Variants in DLGAP3 observed in about 807,000 individuals in gnomAD.
DLGAP3 encodes the protein disks large-associated protein 3.
Under a neutral mutation model 81.2 loss-of-function variants are expected in DLGAP3, and 17 were observed. The ratio of observed to expected loss-of-function variants is 0.21; its 90% CI spans 0.14 to 0.31. The LOEUF is 0.31. DLGAP3 is among the 10% of genes least tolerant of loss of function. The pLI is 1.00. For synonymous variants in DLGAP3, 577 were observed against 587.4 expected, an observed-to-expected ratio of 0.98 and a Z score of 0.26; for missense variants, 1,124 against 1,388.0, an observed-to-expected ratio of 0.81 and a Z score of 3.02.
rs762938817 is a variant in DLGAP3, at chr1:34,922,451, C to T, written c.-135+7000G>A. ...ATATTCATATGTGGTTGATACGGTA[C>T]GTATATGCATGCCCCACATACATGC... is the stretch of plus-strand genomic sequence containing the variant. On this transcript the variant is annotated intron_variant, in intron 1 of 11. Transcript: ENST00000373347. Among the ~76,000 whole-genome samples the T allele has an allele frequency of 8.5e-5, 13 of 152,212 alleles. No homozygotes were observed. In the South Asian group the frequency reaches 1.5e-3, roughly 17 times the overall value.
chr1:34,866,788 C>CA (rs1166568660), intron 11 of DLGAP3, among the ~76,000 whole-genome samples: 1 of 151,548 alleles, frequency 6.6e-6, no homozygotes, highest in Non-Finnish European at 1.5e-5. Context: ...GCCGCCACCC[C>CA]CCCAACCCCG....
At position 34,868,717 on chromosome 1, in the gene DLGAP3, G is replaced by A. The variant is rs1431235852; in HGVS notation, c.2373C>T (p.Cys791=). ...SLPDSGRASP[C]PRDGEWFIKM... ...TGATGAACCACTCGCCGTCGCGTGG[G>A]CAGGGGGATGCGCGGCCTGAGTCGG... The change falls in exon 9 of 12, where the codon TGC becomes TGT. Residue 791 remains cysteine (C), a synonymous_variant. Transcript: ENST00000373347. This position sits in a 1 kb window ranked among gnomAD's most constrained non-coding sequence, Gnocchi z 7.5. 6.2e-7 allele frequency: 1 copy of A among 1,610,476 alleles called. No individual in the cohort carries two copies. The highest frequency in any genetic ancestry group is 1.1e-5 in the South Asian group (1 of 91,084).
Position 34,904,644 on chromosome 1 carries a change from C to T in DLGAP3, c.740G>A (p.Arg247His), listed in dbSNP as rs1240043767. The T allele has an allele frequency of 3.7e-6, 6 of 1,614,164 alleles. No homozygotes were observed. The Admixed American group carries it at 5.0e-5, about 13-fold the overall frequency. The change falls in exon 3 of 12, where the codon CGC becomes CAC. Residue 247 changes from arginine to histidine, a missense_variant. Coordinates refer to ENST00000373347, the MANE Select transcript of DLGAP3 (RefSeq NM_001080418.3). The surrounding 1 kb of genome is among the most constrained non-coding windows in gnomAD (Gnocchi z 8.1). ...GGCCTGGTGCCGCCCATCCCCCTTGCGGTCCTTGCTCTTGCTCCTCTTGCC... is the reference window on the plus strand; with the variant it reads ...GGCCTGGTGCCGCCCATCCCCCTTGTGGTCCTTGCTCTTGCTCCTCTTGCC... ...RHGKRSKSKD[R>H]KGDGRHQAKS...
chr1:34,883,336 G>A (rs1387119343), intron 8 of DLGAP3, among the ~76,000 whole-genome samples: 1 of 152,184 alleles, frequency 6.6e-6, no homozygotes, highest in African/African-American at 2.4e-5. Flanking sequence ...TGCTGATTTA[G>A]CAAGAGTCTC....
intron 8 of DLGAP3, among the ~76,000 whole-genome samples, chr1:34,872,885 A>ACCC (rs936760819): frequency 6.6e-6 from 1 of 152,108 alleles, no homozygotes; most frequent in Non-Finnish European, 1.5e-5. Context: ...TGAGACTCTG[A>ACCC]CCCCAGATAA....
Position 34,867,060 on chromosome 1 carries a change from G to A in DLGAP3, c.2709C>T (p.Leu903=). 2 of 1,614,106 alleles carry A rather than the reference G, an allele frequency of 1.2e-6. No homozygotes were observed. Among genetic ancestry groups the A allele is most frequent in the Non-Finnish European group, 1.7e-6 (2 of 1,179,972 alleles). ...ACCCCAGCCCCACCTTAGGCTCCAG[G>A]AGTTTCCAGCTGTTGGCCTTGAGTT... ...LQQLKANSWK[L]LEPKEEKKVP... Residue 903 remains leucine (L), a synonymous_variant, in exon 11 of 12, where the codon CTC becomes CTT. Transcript: ENST00000373347. The surrounding 1 kb of genome is among the most constrained non-coding windows in gnomAD (Gnocchi z 4.3).
rs1638920494 is a variant in DLGAP3, at chr1:34,868,473, CAGA to C, written c.2485+129_2485+131del. On this transcript the variant is annotated intron_variant, in intron 9 of 11. Transcript: ENST00000373347. This position sits in a 1 kb window ranked among gnomAD's most constrained non-coding sequence, Gnocchi z 7.5. Reference sequence around the variant, plus strand: ...GATGTTGACCCGCCACGCTCCAGTGCAGAAGACCAGTGAGGCACCAACCGAAGG... The same window carrying C: ...GATGTTGACCCGCCACGCTCCAGTGCAGACCAGTGAGGCACCAACCGAAGG... 1.3e-6 allele frequency: 1 copy of C among 761,912 alleles called. No individual in the cohort carries two copies. The highest frequency in any genetic ancestry group is 1.7e-5 in the African/African-American group (1 of 58,358). The allele number at this position is 761,912 out of a possible 1,614,324, so 47.2% of individuals were successfully genotyped here.
In DLGAP3 at chr1:34,867,311, G is replaced by C. The variant is rs1282848768; in HGVS notation, c.2578-120C>G. On this transcript the variant is annotated intron_variant, in intron 10 of 11. Coordinates refer to ENST00000373347, the MANE Select transcript of DLGAP3 (RefSeq NM_001080418.3). This position sits in a 1 kb window ranked among gnomAD's most constrained non-coding sequence, Gnocchi z 4.3. ...AAGCTCAGCCTGGGAGAGTGGGTGGGGGCTGGGAGACAGGGGGACAAGAGC... is the reference window on the plus strand; with the variant it reads ...AAGCTCAGCCTGGGAGAGTGGGTGGCGGCTGGGAGACAGGGGGACAAGAGC... The C allele has an allele frequency of 1.4e-5, 21 of 1,453,396 alleles. 1 individual carries two copies. Among genetic ancestry groups the C allele is most frequent in the Non-Finnish European group, 2.0e-5 (21 of 1,043,038 alleles). The allele number at this position is 1,453,396 out of a possible 1,614,324, so 90.0% of individuals were successfully genotyped here. A position where few individuals can be genotyped will look rare whatever the true frequency, so the allele number is the denominator to read the frequency against.
chr1:34,912,377 T>A (rs539588226), intron 1 of DLGAP3, among the ~76,000 whole-genome samples: 1 of 152,182 alleles, frequency 6.6e-6, no homozygotes, highest in East Asian at 1.9e-4. Context: ...AAGACCAGTA[T>A]CTCAGCATTT....
At chr1:34,899,235 A>AT (rs1175757115) in intron 5 of DLGAP3, among the ~76,000 whole-genome samples, 1 of 151,988 alleles carries the variant, frequency 6.6e-6, no homozygotes, top group Non-Finnish European at 1.5e-5. Context: ...TGCCTGGCTA[A>AT]TTTTTTATAT....
Position 34,885,024 on chromosome 1 carries a change from G to A in DLGAP3, c.1954C>T (p.Arg652Trp). 1.2e-6 allele frequency: 2 copies of A among 1,613,530 alleles called. No individual in the cohort carries two copies. The highest frequency in any genetic ancestry group is 8.5e-7 in the Non-Finnish European group (1 of 1,179,974). Residue 652 changes from arginine to tryptophan, a missense_variant, in exon 8 of 12, where the codon CGG becomes TGG. By Grantham distance (101) the Arg-to-Trp change is moderately radical (BLOSUM62 -3). Around this residue, in one of 9 missense-constraint regions of DLGAP3, gnomAD observed 379 missense variants for 455.7 expected, o/e 0.83. Coordinates refer to ENST00000373347, the MANE Select transcript of DLGAP3 (RefSeq NM_001080418.3). ...ISDSDTENRS[R>W]REFHSIGVQV... ...ACGCCAATAGAGTGGAACTCCCTCC[G>A]GCTCCTGTTCTCGGTGTCCGAATCT...
chr1:34,911,022 A>ACCCCCCCCCCCCC (rs58074971), intron 1 of DLGAP3, among the ~76,000 whole-genome samples: 3 of 131,950 alleles, frequency 2.3e-5, no homozygotes, highest in Admixed American at 8.1e-5. Context: ...GATATTATCC[A>ACCCCCCCCCCCCC]CCCCCCCCCC....
At chr1:34,887,646 T>G (rs1639254455) in intron 5 of DLGAP3, among the ~76,000 whole-genome samples, 1 of 152,146 alleles carries the variant, frequency 6.6e-6, no homozygotes, top group South Asian at 2.1e-4. Flanking sequence ...GGGCACATGT[T>G]TAACCCTGAG....
At chr1:34,891,506 G>C (rs887760364) in intron 5 of DLGAP3, among the ~76,000 whole-genome samples, 1 of 152,128 alleles carries the variant, frequency 6.6e-6, no homozygotes, top group Admixed American at 6.6e-5. Context: ...ACATATCTTG[G>C]GTTAACTCGA....
Position 34,902,174 on chromosome 1 carries a change from A to AG in DLGAP3, c.1108-1902dup, listed in dbSNP as rs751287507. Among the ~76,000 whole-genome samples the AG allele has an allele frequency of 1.8e-4, 27 of 152,010 alleles. No individual in the cohort carries two copies. The highest frequency in any genetic ancestry group is 3.4e-4 in the Non-Finnish European group (23 of 67,976). On this transcript the variant is annotated intron_variant, in intron 3 of 11. Transcript: ENST00000373347. The surrounding 1 kb of genome is among the most constrained non-coding windows in gnomAD (Gnocchi z 4.4). ...CGTGGGGGAGAGGACTGGGGGAGGT[A>AG]GGGAGGATTTAAAACACTTGTGTAA...
At chr1:34,903,448 G>A (rs1219153911) in intron 3 of DLGAP3, among the ~76,000 whole-genome samples, 1 of 152,188 alleles carries the variant, frequency 6.6e-6, no homozygotes, top group Non-Finnish European at 1.5e-5. Flanking sequence ...AAATACACTG[G>A]ACCTCCAGAA....
intron 1 of DLGAP3, among the ~76,000 whole-genome samples, chr1:34,928,886 TAC>T (rs1639912747): frequency 6.6e-6 from 1 of 151,192 alleles, no homozygotes; most frequent in African/African-American, 2.4e-5. Flanking sequence ...CACAGATGCA[TAC>T]ACAGTACCAC....
Position 34,905,030 on chromosome 1 carries a change from A to C in DLGAP3, c.354T>G (p.Pro118=). The change falls in exon 3 of 12, where the codon CCT becomes CCG. Residue 118 remains proline, a synonymous_variant. Transcript: ENST00000373347. ...HPQGKGAPRL[P]PTLLDQFEKQ... is the part of the protein sequence containing the mutation. ...TTTCAAACTGATCCAGGAGTGTAGG[A>C]GGCAGGCGGGGGGCACCCTTGCCCT... 6.2e-7 allele frequency: 1 copy of C among 1,607,932 alleles called. No individual in the cohort carries two copies. Among genetic ancestry groups the C allele is most frequent in the Non-Finnish European group, 8.5e-7 (1 of 1,177,216 alleles).
At chr1:34,927,704 C>T (rs1157789079) in intron 1 of DLGAP3, among the ~76,000 whole-genome samples, 1 of 151,944 alleles carries the variant, frequency 6.6e-6, no homozygotes, top group Non-Finnish European at 1.5e-5. Flanking sequence ...CTCCCCCCAC[C>T]CCCCACTCTT....
Sources: gnomAD v4.1 joint callset for allele counts (sites outside exome capture counted in the v4.1 genomes callset) on GRCh38, gnomAD v4.1.1 for gene constraint, gnomAD v4.1.1 regional missense constraint, Gnocchi (gnomAD v3.1) non-coding constraint, MANE v1.5 for transcripts, NCBI Gene and HGNC (gene_info 2026-07-23, HGNC 2026-07-21) for gene names.